The following SLC14A1 variants were observed in gnomAD, a reference collection of about 807,000 sequenced individuals.
SLC14A1 encodes the protein solute carrier family 14 member 1 (Kidd blood group), also known as urea transporter 1.
SLC14A1 carries 36 observed loss-of-function variants against 39.6 expected under a neutral mutation model. The observed-to-expected ratio is 0.91, with a 90% CI of 0.70 to 1.20. SLC14A1 has a LOEUF of 1.20. SLC14A1 is among the 50% of genes most tolerant of loss of function. The pLI is 0.00. For missense variants in SLC14A1, 469 were observed against 478.7 expected (o/e 0.98, Z 0.19); for synonymous variants, 164 against 173.6 (o/e 0.94, Z 0.43).
At chr18:45,730,158 G>T in intron 2 of SLC14A1, 142 bp from the exon 3 acceptor site, 1 of 825,552 alleles carries the variant, frequency 1.2e-6, no homozygotes, top group Non-Finnish European at 1.8e-6. Flanking sequence ...AAGCTCTGTG[G>T]TGGTGTTTCA....
intron 2 of SLC14A1, chr18:45,727,310 C>T (rs2046893721): frequency 1.9e-6 from 3 of 1,551,388 alleles, no homozygotes; most frequent in Middle Eastern, 1.7e-4. Context: ...CTGGTGACGC[C>T]CGTCATGGTC....
intron 5 of SLC14A1, among the ~76,000 whole-genome samples, 200 bp downstream of exon 5, chr18:45,734,602 C>T (rs773735683): frequency 2.0e-5 from 3 of 152,062 alleles, no homozygotes; most frequent in Admixed American, 6.5e-5. Flanking sequence ...TAGCCGGGTG[C>T]GGTGGTTCTT....
chr18:45,734,416 G>T lies in SLC14A1; in HGVS notation c.470+14G>T. On this transcript the variant is annotated intron_variant, in intron 5 of 9. Coordinates refer to ENST00000321925, the MANE Select transcript of SLC14A1 (RefSeq NM_015865.7). Reference sequence around the variant, plus strand: ...GTCCATGACTTGGTAAGTTACAATTGGTTTTCAAAATGCCTTTTTGAAAAA... The same window carrying T: ...GTCCATGACTTGGTAAGTTACAATTTGTTTTCAAAATGCCTTTTTGAAAAA... The T allele has an allele frequency of 1.3e-6, 2 of 1,591,152 alleles. No individual in the cohort carries two copies. Among genetic ancestry groups the T allele is most frequent in the East Asian group, 2.3e-5 (1 of 44,296 alleles).
intron 2 of SLC14A1, chr18:45,727,077 G>A: frequency 1.8e-6 from 1 of 565,966 alleles, no homozygotes; most frequent in Non-Finnish European, 3.2e-6. Flanking sequence ...CCCACTGAGA[G>A]CTCTTTGGTG....
chr18:45,733,725 CA>C (rs930095909), intron 4 of SLC14A1, among the ~76,000 whole-genome samples: 7 of 152,168 alleles, frequency 4.6e-5, no homozygotes, highest in Non-Finnish European at 7.4e-5. Flanking sequence ...CATTCTCTAT[CA>C]GGGGTCCCCA....
chr18:45,746,102 ATGT>A lies in SLC14A1; in HGVS notation c.947-2266_947-2264del, dbSNP rs1431318374. 3.3e-5 allele frequency among the ~76,000 whole-genome samples: 5 copies of A among 152,170 alleles called. No homozygotes were observed. The East Asian group carries it at 9.6e-4, about 29-fold the overall frequency. ...AACTGCGTGGCCAGAGAACATCTCAATGTTGTTGTTTTACCAGTGGAGAGTGTA... is the reference window on the plus strand; with the variant it reads ...AACTGCGTGGCCAGAGAACATCTCAATGTTGTTTTACCAGTGGAGAGTGTA... On this transcript the variant is annotated intron_variant, in intron 8 of 9. Coordinates refer to ENST00000321925, the MANE Select transcript of SLC14A1 (RefSeq NM_015865.7).
intron 4 of SLC14A1, among the ~76,000 whole-genome samples, chr18:45,732,766 G>C (rs1321496071): frequency 6.6e-6 from 1 of 152,158 alleles, no homozygotes; most frequent in African/African-American, 2.4e-5. Flanking sequence ...CAGGCCCTTG[G>C]GAAGTGGATC....
At chr18:45,741,066 G>C (rs182224592) in intron 8 of SLC14A1, 1 of 152,222 alleles carries the variant, frequency 6.6e-6, no homozygotes, top group South Asian at 2.1e-4. Flanking sequence ...GGACAGCAAT[G>C]GGTAAATCCA....
chr18:45,739,321 G>T lies in SLC14A1; in HGVS notation c.811+11G>T. 1 of 1,614,086 alleles carries T rather than the reference G, an allele frequency of 6.2e-7. No homozygotes were observed. The highest frequency in any genetic ancestry group is 1.1e-5 in the South Asian group (1 of 91,078). ...TGGGCATAGCAGCGGGTGAGCACAA[G>T]AGCCCTTACCAAATATTGAGCACCT... On this transcript the variant is annotated intron_variant, in intron 7 of 9. Transcript: ENST00000321925.
intron 9 of SLC14A1, among the ~76,000 whole-genome samples, chr18:45,749,468 G>A (rs987597307): frequency 6.6e-6 from 1 of 152,110 alleles, no homozygotes; most frequent in Non-Finnish European, 1.5e-5. Context: ...GCCATTTGCA[G>A]TTTGCAAGTG....
intron 8 of SLC14A1, 112 bp downstream of exon 8, chr18:45,739,774 GC>G: frequency 4.2e-6 from 6 of 1,418,584 alleles, no homozygotes; most frequent in Non-Finnish European, 5.9e-6. Flanking sequence ...TCTGGCTTGA[GC>G]CCACTTGCTG....
Position 45,751,142 on chromosome 18 carries a change from C to A in SLC14A1, c.*1191C>A. On this transcript the variant is annotated 3_prime_UTR_variant, in exon 10 of 10. Transcript: ENST00000321925. ...ATTGCTTGAACCCAGGAGTTCAAGA[C>A]CAGCCTGGGCAGCATGGTGAAACCC... 1 of 568,760 alleles carries A rather than the reference C, an allele frequency of 1.8e-6. No individual in the cohort carries two copies. The highest frequency in any genetic ancestry group is 2.2e-6 in the Non-Finnish European group (1 of 449,920). 35.2% of individuals were successfully genotyped at this position (568,760 alleles called of 1,614,324 possible).
intron 2 of SLC14A1, chr18:45,727,415 A>G: frequency 6.5e-7 from 1 of 1,547,686 alleles, no homozygotes. Context: ...GGTCGCAGGA[A>G]CAGGTATGCT....
chr18:45,744,621 A>G (rs1216511879), intron 8 of SLC14A1, among the ~76,000 whole-genome samples: 7 of 151,818 alleles, frequency 4.6e-5, no homozygotes, highest in Admixed American at 1.3e-4. Context: ...TTATTTCACT[A>G]TTATCTGTCT....
chr18:45,749,174 T>A (rs1037999500), intron 9 of SLC14A1, among the ~76,000 whole-genome samples: 2 of 152,032 alleles, frequency 1.3e-5, no homozygotes, highest in African/African-American at 4.8e-5. Context: ...ATGATTCTGA[T>A]GTGCAGTCAG....
At chr18:45,727,366 G>T in intron 2 of SLC14A1, 1 of 1,551,450 alleles carries the variant, frequency 6.4e-7, no homozygotes, top group Non-Finnish European at 8.7e-7. Flanking sequence ...GACGCAGCGC[G>T]CAGAGGCATC....
At chr18:45,728,198 G>A (rs1275633546) in intron 2 of SLC14A1, among the ~76,000 whole-genome samples, 3 of 152,200 alleles carry the variant, frequency 2.0e-5, no homozygotes, top group South Asian at 2.1e-4. Context: ...GGGCCGCTCA[G>A]GCTCTCAATC....
chr18:45,739,297 G>C lies in SLC14A1; in HGVS notation c.798G>C (p.Leu266=), dbSNP rs778426866. The C allele has an allele frequency of 6.2e-7, 1 of 1,614,124 alleles. No individual in the cohort carries two copies. ...TGCATGCTGCCATAGGATCATTGCT[G>C]GGCATAGCAGCGGGTGAGCACAAGA... is the stretch of plus-strand genomic sequence containing the variant. The part of the protein sequence containing the change: ...MCLHAAIGSL[L]GIAAGLSLSA... Residue 266 remains leucine (L), a synonymous_variant, in exon 7 of 10, where the codon CTG becomes CTC. Transcript: ENST00000321925.
intron 9 of SLC14A1, among the ~76,000 whole-genome samples, chr18:45,749,191 G>A (rs2047639874): frequency 6.6e-6 from 1 of 151,898 alleles, no homozygotes; most frequent in African/African-American, 2.4e-5. Flanking sequence ...TCAGATTAGG[G>A]TACCCCTACA....
Sources: gnomAD v4.1 joint callset for allele counts (sites outside exome capture counted in the v4.1 genomes callset) on GRCh38, gnomAD v4.1.1 for gene constraint, MANE v1.5 for transcripts, NCBI Gene and HGNC (gene_info 2026-07-23, HGNC 2026-07-21) for gene names.